MDFIC2: variants seen among roughly 807,000 people sequenced by gnomAD.
The protein encoded by MDFIC2 is myoD family inhibitor domain-containing protein 2.
rs1399971126 is a variant in MDFIC2 at position 70,276,917 on chromosome 3, A to AT, written c.88+34968_88+34969insA. Among the ~76,000 whole-genome samples, 35 of 152,352 alleles carry AT rather than the reference A, an allele frequency of 2.3e-4. 1 individual carries two copies. The South Asian group carries it at 6.2e-3, about 27-fold the overall frequency. ...AAAGTTTATGTTCTCAACTGTAATC[A>AT]GTGAGAAATCCTCACATTAATAAAG... On this transcript the variant is annotated intron_variant, in intron 2 of 3. Transcript: ENST00000567252.
Position 70,206,774 on chromosome 3 carries a change from A to T in MDFIC2, c.105T>A (p.Asn35Lys), listed in dbSNP as rs1701295324. The T allele has an allele frequency of 5.0e-6, 2 of 397,592 alleles. No homozygotes were observed. 24.6% of individuals were successfully genotyped at this position (397,592 alleles called of 1,614,324 possible). A position where few individuals can be genotyped will look rare whatever the true frequency, so the allele number is the denominator to read the frequency against. ...SWLKEDTQLT[N>K]AKHADEKPIN... is the part of the protein sequence containing the mutation. ...TGGGTTTCTCATCTGCATGCTTTGC[A>T]TTCGTGAGTTGCGTATCTAGAGGAA... The change falls in exon 3 of 4, where the codon AAT becomes AAA. Residue 35 changes from asparagine to lysine, a missense_variant. Physicochemically the swap from Asn to Lys is moderately conservative, Grantham distance 94. Coordinates refer to ENST00000567252, the MANE Select transcript of MDFIC2 (RefSeq NM_001364677.1).
In MDFIC2 at chr3:70,311,816, C is replaced by T. The variant is rs530611117; in HGVS notation, c.88+70G>A. On this transcript the variant is annotated intron_variant, in intron 2 of 3. Coordinates refer to ENST00000567252, the MANE Select transcript of MDFIC2 (RefSeq NM_001364677.1). ...TCAGGACAATTTCCTCCTTCTCCCACACTATTCCTTGCTTATAAACAAAAG... is the reference window on the plus strand; with the variant it reads ...TCAGGACAATTTCCTCCTTCTCCCATACTATTCCTTGCTTATAAACAAAAG... 4.5e-4 allele frequency: 178 copies of T among 394,920 alleles called. 1 individual carries two copies. Among genetic ancestry groups the T allele is most frequent in the Non-Finnish European group, 6.9e-4 (155 of 224,002 alleles). The allele number at this position is 394,920 out of a possible 1,614,324, so 24.5% of individuals were successfully genotyped here.
Position 70,206,601 on chromosome 3 carries a change from G to C in MDFIC2, c.278C>G (p.Thr93Ser), listed in dbSNP as rs982453772. The change falls in exon 3 of 4, where the codon ACT becomes AGT. Residue 93 changes from threonine (T) to serine (S), a missense_variant. Transcript: ENST00000567252. ...ECQTTFSYLQ[T>S]DTSVHHRDTD... ...GTCTCTGTGATGAACTGAAGTATCA[G>C]TTTGGAGGTAAGAAAATGTTGTTTG... is the stretch of plus-strand genomic sequence containing the variant. 2.5e-5 allele frequency: 10 copies of C among 397,734 alleles called. No homozygotes were observed. The highest frequency in any genetic ancestry group is 4.4e-5 in the Admixed American group (1 of 22,666). 24.6% of individuals were successfully genotyped at this position (397,734 alleles called of 1,614,324 possible). A position where few individuals can be genotyped will look rare whatever the true frequency, so the allele number is the denominator to read the frequency against.
intron 2 of MDFIC2, among the ~76,000 whole-genome samples, chr3:70,234,443 G>A (rs571727429): frequency 6.6e-6 from 1 of 152,150 alleles, no homozygotes; most frequent in African/African-American, 2.4e-5. Flanking sequence ...GAGCCCAGGA[G>A]TTTGAGACCA....
rs1296696045 is a variant in MDFIC2 at position 70,213,987 on chromosome 3, G to GA, written c.89-7198dup. On this transcript the variant is annotated intron_variant, in intron 2 of 3. Coordinates refer to ENST00000567252, the MANE Select transcript of MDFIC2 (RefSeq NM_001364677.1). ...ATACCCAAAGAAGCTATGTTTTCAA[G>GA]AAAAAATATATTTTCTTCTTTGAAA... Among the ~76,000 whole-genome samples, 7 of 151,996 alleles carry GA rather than the reference G, an allele frequency of 4.6e-5. No homozygotes were observed. The East Asian group carries it at 1.4e-3, about 29-fold the overall frequency.
intron 2 of MDFIC2, among the ~76,000 whole-genome samples, chr3:70,225,713 C>G (rs917582386): frequency 1.3e-5 from 2 of 152,158 alleles, no homozygotes; most frequent in East Asian, 1.9e-4. Context: ...CAAAATGAAA[C>G]AATAAAGTAG....
chr3:70,206,821 A>C, intron 2 of MDFIC2, 31 bp from the exon 3 acceptor site: 1 of 397,272 alleles, frequency 2.5e-6, no homozygotes, highest in East Asian at 3.6e-5. Context: ...CACATACAGA[A>C]ACCCACTATG....
intron 2 of MDFIC2, among the ~76,000 whole-genome samples, chr3:70,244,546 T>C (rs1416834008): frequency 1.3e-5 from 2 of 152,200 alleles, no homozygotes; most frequent in East Asian, 3.9e-4. Flanking sequence ...ATTTGATCAA[T>C]ATATGGGATG....
intron 2 of MDFIC2, among the ~76,000 whole-genome samples, chr3:70,236,530 AT>A (rs1701610646): frequency 6.6e-6 from 1 of 152,194 alleles, no homozygotes; most frequent in Admixed American, 6.5e-5. Flanking sequence ...ACCAAAAATA[AT>A]GATAATATTA....
intron 2 of MDFIC2, among the ~76,000 whole-genome samples, chr3:70,232,094 G>A (rs1035408443): frequency 3.3e-5 from 5 of 152,124 alleles, no homozygotes; most frequent in African/African-American, 1.2e-4. Context: ...TGCTTTCCAA[G>A]TGCTGAGGCT....
At chr3:70,311,608 T>C (rs1702453646) in intron 2 of MDFIC2, among the ~76,000 whole-genome samples, 1 of 152,140 alleles carries the variant, frequency 6.6e-6, no homozygotes, top group South Asian at 2.1e-4. Context: ...ACCTCACAGA[T>C]AATATAAGTC....
chr3:70,297,993 TA>T (rs951051321), intron 2 of MDFIC2, among the ~76,000 whole-genome samples: 4 of 152,106 alleles, frequency 2.6e-5, no homozygotes, highest in Admixed American at 6.6e-5. Context: ...GAGAAATTTT[TA>T]AAAATTCTAA....
chr3:70,305,138 G>A (rs928411043), intron 2 of MDFIC2, among the ~76,000 whole-genome samples: 23 of 151,966 alleles, frequency 1.5e-4, no homozygotes, highest in Non-Finnish European at 2.6e-4. Context: ...TCAAAGCTTC[G>A]AAACAATTAC....
chr3:70,272,111 T>A (rs1701981378), intron 2 of MDFIC2: 1 of 152,230 alleles, frequency 6.6e-6, no homozygotes. Flanking sequence ...AAATATCACA[T>A]GCCCAGAGTT....
At chr3:70,258,484 T>C (rs1701837847) in intron 2 of MDFIC2, among the ~76,000 whole-genome samples, 1 of 152,126 alleles carries the variant, frequency 6.6e-6, no homozygotes, top group Non-Finnish European at 1.5e-5. Flanking sequence ...CAACCGAAAC[T>C]GAAGATAGAT....
In MDFIC2 at chr3:70,229,496, T is replaced by A. The variant is rs773076707; in HGVS notation, c.89-22706A>T. 4.6e-5 allele frequency among the ~76,000 whole-genome samples: 7 copies of A among 152,358 alleles called. No homozygotes were observed. The South Asian group carries it at 1.2e-3, about 27-fold the overall frequency. On this transcript the variant is annotated intron_variant, in intron 2 of 3. Transcript: ENST00000567252. Reference sequence around the variant, plus strand: ...CCTTTTTCTGGGCACACGGTTAAACTATATTTTTCTGGTTTTCTTGCATCT... The same window carrying A: ...CCTTTTTCTGGGCACACGGTTAAACAATATTTTTCTGGTTTTCTTGCATCT...
chr3:70,247,494 G>C (rs1445907069), intron 2 of MDFIC2, among the ~76,000 whole-genome samples: 2 of 151,530 alleles, frequency 1.3e-5, no homozygotes, highest in African/African-American at 4.8e-5. Context: ...ATATGAATTA[G>C]TTGAAAATTT....
At chr3:70,285,157 C>G (rs1475239830) in intron 2 of MDFIC2, among the ~76,000 whole-genome samples, 1 of 151,200 alleles carries the variant, frequency 6.6e-6, no homozygotes, top group African/African-American at 2.4e-5. Flanking sequence ...ACTGCACCCA[C>G]TAACTTGTCA....
intron 2 of MDFIC2, among the ~76,000 whole-genome samples, chr3:70,282,493 G>C (rs560829763): frequency 6.6e-6 from 1 of 152,178 alleles, no homozygotes; most frequent in Non-Finnish European, 1.5e-5. Flanking sequence ...ATTGGGCCCT[G>C]AGCCTCTGGT....
Sources: allele counts gnomAD v4.1 joint callset (sites outside exome capture counted in the v4.1 genomes callset), GRCh38; gene constraint gnomAD v4.1.1; transcripts MANE v1.5; gene names NCBI Gene and HGNC (gene_info 2026-07-23, HGNC 2026-07-21).